The following RPS6KC1 variants were observed in gnomAD, a reference collection of about 807,000 sequenced individuals.
RPS6KC1 encodes the protein ribosomal protein S6 kinase C1.
In RPS6KC1, 54 loss-of-function variants were observed where a neutral mutation model predicts 103.8. That is an observed-to-expected ratio of 0.52 (90% confidence interval 0.42 to 0.65). The LOEUF (loss-of-function observed/expected upper bound fraction) is 0.65, where lower values mean the gene tolerates loss of function less well. RPS6KC1 is among the 30% of genes least tolerant of loss of function. The pLI is 0.00. For missense variants in RPS6KC1, 1,151 were observed against 1,253.8 expected (o/e 0.92, Z 1.24); for synonymous variants, 439 against 438.7 (o/e 1.00, Z -0.01).
At chr1:213,131,902 T>C (rs549342544) in intron 6 of RPS6KC1, among the ~76,000 whole-genome samples, 33 of 152,352 alleles carry the variant, frequency 2.2e-4, no homozygotes, top group African/African-American at 6.0e-4. Flanking sequence ...TTTCAGAGAA[T>C]TATGTGCTAA....
the RPS6KC1 span, among the ~76,000 whole-genome samples, chr1:213,440,108 A>G: frequency 6.6e-6 from 1 of 152,172 alleles, no homozygotes; most frequent in Non-Finnish European, 1.5e-5. Context: ...GTGCATAATC[A>G]GATACATTGC....
At chr1:213,817,327 G>A in the RPS6KC1 span, among the ~76,000 whole-genome samples, 2 of 152,332 alleles carry the variant, frequency 1.3e-5, no homozygotes, top group African/African-American at 2.4e-5. Flanking sequence ...GAAGGAAGGC[G>A]GGGGAAGGCT....
At chr1:213,836,143 G>A in the RPS6KC1 span, 1 of 152,128 alleles carries the variant, frequency 6.6e-6, no homozygotes, top group East Asian at 1.9e-4. Flanking sequence ...TAGCAAGAGA[G>A]TAAAAAATGG....
At chr1:213,455,101 C>T in the RPS6KC1 span, among the ~76,000 whole-genome samples, 1 of 152,048 alleles carries the variant, frequency 6.6e-6, no homozygotes, top group South Asian at 2.1e-4. Flanking sequence ...CCTCCCAGAA[C>T]CTTAAGAATT....
At chr1:213,650,492 A>G in the RPS6KC1 span, among the ~76,000 whole-genome samples, 2 of 152,202 alleles carry the variant, frequency 1.3e-5, no homozygotes, top group Non-Finnish European at 2.9e-5. Flanking sequence ...TGACACACTC[A>G]GGGAAAGAAA....
Position 213,241,981 on chromosome 1 carries a change from A to G in RPS6KC1, c.2505A>G (p.Thr835=). 1 of 1,614,098 alleles carries G rather than the reference A, an allele frequency of 6.2e-7. No homozygotes were observed. Among genetic ancestry groups the G allele is most frequent in the Non-Finnish European group, 8.5e-7 (1 of 1,179,974 alleles). Residue 835 remains threonine, a synonymous_variant, in exon 11 of 15, where the codon ACA becomes ACG. Coordinates refer to ENST00000366960, the MANE Select transcript of RPS6KC1 (RefSeq NM_012424.6). ...LSGANEYIAS[T]DTLKTEEVLL... Reference sequence around the variant, plus strand: ...GTGCTAATGAATATATTGCAAGCACAGACACTTTAAAAACAGAAGAAGTAT... The same window carrying G: ...GTGCTAATGAATATATTGCAAGCACGGACACTTTAAAAACAGAAGAAGTAT...
At chr1:213,101,433 T>C (rs997437595) in intron 3 of RPS6KC1, among the ~76,000 whole-genome samples, 1 of 152,216 alleles carries the variant, frequency 6.6e-6, no homozygotes, top group Admixed American at 6.5e-5. Context: ...TCTCAATTCA[T>C]ATCTGCTTGT....
chr1:213,608,363 T>A, the RPS6KC1 span, among the ~76,000 whole-genome samples: 169 of 152,262 alleles, frequency 1.1e-3, 2 homozygotes, highest in African/African-American at 3.9e-3. Flanking sequence ...TGGAAGCCAC[T>A]CTCCTGGTGG....
At chr1:213,176,077 T>C (rs531575920) in intron 7 of RPS6KC1, among the ~76,000 whole-genome samples, 1 of 152,332 alleles carries the variant, frequency 6.6e-6, no homozygotes, top group East Asian at 1.9e-4. Context: ...TATCCATTTG[T>C]TACAAAGTTT....
At chr1:213,753,790 A>G in the RPS6KC1 span, among the ~76,000 whole-genome samples, 1 of 152,162 alleles carries the variant, frequency 6.6e-6, no homozygotes, top group Non-Finnish European at 1.5e-5. Context: ...ATTATCCAAC[A>G]CTAAGCATTC....
At chr1:213,515,873 T>C in the RPS6KC1 span, among the ~76,000 whole-genome samples, 5 of 152,194 alleles carry the variant, frequency 3.3e-5, no homozygotes, top group Non-Finnish European at 1.5e-5. Flanking sequence ...CATGGAATGT[T>C]CTTCCATTTG....
At chr1:213,582,547 A>G in the RPS6KC1 span, among the ~76,000 whole-genome samples, 1 of 152,244 alleles carries the variant, frequency 6.6e-6, no homozygotes, top group African/African-American at 2.4e-5. Context: ...CATTTTAAGT[A>G]TGACATTTAC....
chr1:213,090,546 A>G (rs2080869569), intron 3 of RPS6KC1, among the ~76,000 whole-genome samples: 1 of 152,250 alleles, frequency 6.6e-6, no homozygotes, highest in South Asian at 2.1e-4. Context: ...CAATAGATAT[A>G]CAACAGGAAG....
chr1:213,748,280 T>C, the RPS6KC1 span, among the ~76,000 whole-genome samples: 35,583 of 152,178 alleles, frequency 0.23, 4,464 homozygotes, highest in Middle Eastern at 0.36. Context: ...TTCTAGGGTC[T>C]CTTTCCTCTT....
the RPS6KC1 span, among the ~76,000 whole-genome samples, chr1:213,589,660 T>C: frequency 2.2e-5 from 3 of 135,010 alleles, no homozygotes; most frequent in African/African-American, 8.2e-5. Flanking sequence ...AAAAAAAAAA[T>C]AGAATGGCTC....
the RPS6KC1 span, among the ~76,000 whole-genome samples, chr1:213,483,839 C>T: frequency 1.3e-5 from 2 of 152,314 alleles, no homozygotes; most frequent in Admixed American, 6.5e-5. Flanking sequence ...GAAACTTCTC[C>T]TTTGGAGTGA....
At chr1:213,664,197 G>T in the RPS6KC1 span, among the ~76,000 whole-genome samples, 1 of 143,592 alleles carries the variant, frequency 7.0e-6, no homozygotes, top group Non-Finnish European at 1.6e-5. Flanking sequence ...ATGAGCGGGG[G>T]GGCGGGGTGG....
rs1172360543 is a variant in RPS6KC1 at position 213,188,312 on chromosome 1, G to A, written c.1044+11820G>A. Among the ~76,000 whole-genome samples, 3 of 152,138 alleles carry A rather than the reference G, an allele frequency of 2.0e-5. No homozygotes were observed. In the East Asian group the frequency reaches 5.8e-4, roughly 29 times the overall value. On this transcript the variant is annotated intron_variant, in intron 8 of 14. Coordinates refer to ENST00000366960, the MANE Select transcript of RPS6KC1 (RefSeq NM_012424.6). Reference sequence around the variant, plus strand: ...GTTATAGAAATGTAGTTGGGTGGAGGGAGGGTGAGATTTTCTGCTTGGTGC... The same window carrying A: ...GTTATAGAAATGTAGTTGGGTGGAGAGAGGGTGAGATTTTCTGCTTGGTGC...
In RPS6KC1 at chr1:213,143,273, T is replaced by C. The variant is rs1444844336; in HGVS notation, c.835+13384T>C. Among the ~76,000 whole-genome samples the C allele has an allele frequency of 2.0e-5, 3 of 152,038 alleles. 1 individual carries two copies. In the Admixed American group the frequency reaches 2.0e-4, roughly 10 times the overall value. ...TTTCACATAAAAGGTGAAATTTAAT[T>C]GTAGAAGTGTTTATAGTGTCTCCTA... On this transcript the variant is annotated intron_variant, in intron 6 of 14. Coordinates refer to ENST00000366960, the MANE Select transcript of RPS6KC1 (RefSeq NM_012424.6).
Sources: gnomAD v4.1 joint callset for allele counts (sites outside exome capture counted in the v4.1 genomes callset) on GRCh38, gnomAD v4.1.1 for gene constraint, MANE v1.5 for transcripts, NCBI Gene and HGNC (gene_info 2026-07-23, HGNC 2026-07-21) for gene names.